The following CTPS1 variants were observed in gnomAD, a reference collection of about 807,000 sequenced individuals.
CTPS1 encodes CTP synthetase 1.
CTPS1 carries 25 observed loss-of-function variants against 80.5 expected under a neutral mutation model. The ratio of observed to expected loss-of-function variants is 0.31; its 90% CI spans 0.23 to 0.43. CTPS1 has a LOEUF of 0.43. Among genes scored for constraint, CTPS1 ranks in the 20% least tolerant of loss-of-function variants. The probability of loss-of-function intolerance (pLI) is 1.00; values close to 1 mark genes in which losing one functional copy is unlikely to be tolerated. For synonymous variants in CTPS1, 267 were observed against 252.5 expected, an observed-to-expected ratio of 1.06 and a Z score of -0.54; for missense variants, 442 against 725.7, an observed-to-expected ratio of 0.61 and a Z score of 4.49.
In CTPS1 at chr1:40,985,008, C is replaced by T; in HGVS notation, c.337+17C>T. The T allele has an allele frequency of 6.6e-7, 1 of 1,522,606 alleles. No individual in the cohort carries two copies. Among genetic ancestry groups the T allele is most frequent in the South Asian group, 1.3e-5 (1 of 78,600 alleles). 94.3% of individuals were successfully genotyped at this position (1,522,606 alleles called of 1,614,324 possible). On this transcript the variant is annotated intron_variant, in intron 3 of 18. Transcript: ENST00000650070. ...CTGTCCAAGGTAATACTGGATTTAC[C>T]TTTAAAGCTTAAAAGTCTTAACCAG...
chr1:41,003,371 A>G (rs13376450), intron 12 of CTPS1, among the ~76,000 whole-genome samples, 195 bp downstream of exon 12: 18,309 of 152,164 alleles, frequency 0.12, 1,387 homozygotes, highest in East Asian at 0.27. Context: ...AGGAGGGAGC[A>G]CAGCCAGACT....
chr1:40,989,695 T>C (rs1009213139), intron 5 of CTPS1, among the ~76,000 whole-genome samples: 5 of 151,950 alleles, frequency 3.3e-5, no homozygotes, highest in Non-Finnish European at 7.4e-5. Context: ...GAGGAAACTT[T>C]AAAAAAACAC....
At chr1:40,986,746 C>G (rs182452648) in intron 3 of CTPS1, among the ~76,000 whole-genome samples, 12 of 152,288 alleles carry the variant, frequency 7.9e-5, no homozygotes, top group Non-Finnish European at 1.5e-5. Flanking sequence ...ATGGCAGGCA[C>G]TTTACCGAGC....
intron 3 of CTPS1, among the ~76,000 whole-genome samples, chr1:40,986,630 C>T (rs1350111955): frequency 6.6e-6 from 1 of 152,168 alleles, no homozygotes; most frequent in Non-Finnish European, 1.5e-5. Context: ...ACTGGAGTAA[C>T]CTGGAGTTAA....
At chr1:41,002,052 G>A in intron 10 of CTPS1, 108 bp from the exon 11 acceptor site, 1 of 901,894 alleles carries the variant, frequency 1.1e-6, no homozygotes, top group Admixed American at 1.7e-5. Flanking sequence ...CACAATGTAT[G>A]GGGTTAATTC....
In CTPS1 at chr1:41,008,734, G is replaced by A. The variant is rs1255123934; in HGVS notation, c.1449+20G>A. On this transcript the variant is annotated intron_variant, in intron 15 of 18. Coordinates refer to ENST00000650070, the MANE Select transcript of CTPS1 (RefSeq NM_001905.4). The stretch of plus-strand genomic sequence containing the variant: ...TTTGAGGTGAGGATTCCAGCTTGCT[G>A]GTACTCTGGAAAGATAGTGAGCTGA... 6.2e-7 allele frequency: 1 copy of A among 1,613,922 alleles called. No homozygotes were observed. Among genetic ancestry groups the A allele is most frequent in the African/African-American group, 1.3e-5 (1 of 74,908 alleles).
At chr1:41,002,998 G>A in intron 11 of CTPS1, 116 bp from the exon 12 acceptor site, 3 of 971,194 alleles carry the variant, frequency 3.1e-6, no homozygotes, top group Non-Finnish European at 4.9e-6. Flanking sequence ...GAAGTTATGA[G>A]TTTGCAATTA....
intron 11 of CTPS1, among the ~76,000 whole-genome samples, chr1:41,002,738 G>A (rs944375767): frequency 2.6e-5 from 4 of 152,146 alleles, no homozygotes; most frequent in Admixed American, 1.3e-4. Flanking sequence ...CCCAACACTT[G>A]TGGAGGCTGA....
intron 14 of CTPS1, 124 bp from the exon 15 acceptor site, chr1:41,008,535 G>A: frequency 1.0e-6 from 1 of 980,888 alleles, no homozygotes; most frequent in Admixed American, 1.9e-5. Context: ...CAGATTCATA[G>A]AAATAGCCCT....
intron 3 of CTPS1, among the ~76,000 whole-genome samples, chr1:40,985,445 G>A (rs1356484151): frequency 6.6e-6 from 1 of 152,250 alleles, no homozygotes; most frequent in Admixed American, 6.5e-5. Flanking sequence ...TGGCCTAGGA[G>A]GAGCCTGAGA....
At chr1:40,995,462 C>G (rs984421064) in intron 7 of CTPS1, among the ~76,000 whole-genome samples, 1 of 150,196 alleles carries the variant, frequency 6.7e-6, no homozygotes, top group Admixed American at 6.6e-5. Context: ...GGCACAATCT[C>G]AGCTCACTAC....
intron 1 of CTPS1, among the ~76,000 whole-genome samples, chr1:40,982,264 C>T (rs1487626361): frequency 1.3e-5 from 2 of 152,078 alleles, no homozygotes; most frequent in East Asian, 1.9e-4. Context: ...GTCCTCTGCC[C>T]GTCATGTGCT....
chr1:41,009,978 C>G (rs1168797675), intron 17 of CTPS1, among the ~76,000 whole-genome samples, 183 bp from the exon 18 acceptor site: 1 of 152,212 alleles, frequency 6.6e-6, no homozygotes, highest in African/African-American at 2.4e-5. Flanking sequence ...GAATGTATAT[C>G]TTTTGTAGCT....
At chr1:40,994,477 A>G (rs940831467) in intron 7 of CTPS1, among the ~76,000 whole-genome samples, 86 of 152,340 alleles carry the variant, frequency 5.6e-4, no homozygotes, top group African/African-American at 1.9e-3. Context: ...TTTAAAAATT[A>G]TATTTTCTGA....
At position 40,997,528 on chromosome 1, in the gene CTPS1, TAAG is replaced by T; in HGVS notation, c.1005+3_1005+5del. 3 of 1,613,486 alleles carry T rather than the reference TAAG, an allele frequency of 1.9e-6. No homozygotes were observed. Among genetic ancestry groups the T allele is most frequent in the Non-Finnish European group, 2.5e-6 (3 of 1,179,712 alleles). On this transcript the variant is annotated splice_donor_5th_base_variant and intron_variant, in intron 9 of 18. Coordinates refer to ENST00000650070, the MANE Select transcript of CTPS1 (RefSeq NM_001905.4). ...ATCAACCACAAATTGGAAATCAAGG[TAAG>T]GAGGGTGGCACAGGTACAGCCAAAG... is the stretch of plus-strand genomic sequence containing the variant.
chr1:41,010,097 A>G, intron 17 of CTPS1, 64 bp from the exon 18 acceptor site: 1 of 1,184,032 alleles, frequency 8.4e-7, no homozygotes, highest in African/African-American at 1.5e-5. Context: ...CCGTGGTTAC[A>G]AAAACAGGGA....
chr1:41,003,863 G>C (rs1642966927), intron 12 of CTPS1: 1 of 152,318 alleles, frequency 6.6e-6, no homozygotes, highest in South Asian at 2.1e-4. Flanking sequence ...TGTACTATCT[G>C]AGATGGCACA....
intron 3 of CTPS1, among the ~76,000 whole-genome samples, chr1:40,986,974 A>C (rs1341817970): frequency 6.6e-6 from 1 of 152,168 alleles, no homozygotes; most frequent in Non-Finnish European, 1.5e-5. Context: ...TAAACTGGAA[A>C]CATATGGAAC....
chr1:40,996,535 CTT>C (rs1642756605), intron 8 of CTPS1, among the ~76,000 whole-genome samples: 1 of 152,180 alleles, frequency 6.6e-6, no homozygotes, highest in Non-Finnish European at 1.5e-5. Flanking sequence ...CCACTACATC[CTT>C]TTAAGGCTCG....
Sources: gnomAD v4.1 joint callset for allele counts (sites outside exome capture counted in the v4.1 genomes callset) on GRCh38, gnomAD v4.1.1 for gene constraint, MANE v1.5 for transcripts, NCBI Gene and HGNC (gene_info 2026-07-23, HGNC 2026-07-21) for gene names.